The following RADX variants were observed in gnomAD, a reference collection of about 807,000 sequenced individuals.
RADX encodes RPA1 related single stranded DNA binding protein, X-linked.
A neutral mutation model predicts 61.6 loss-of-function variants in RADX; 36 were observed. That is an observed-to-expected ratio of 0.58 (90% CI 0.45 to 0.77). The LOEUF (loss-of-function observed/expected upper bound fraction) is 0.77. Ranked by LOEUF, RADX falls within the 30% of genes least tolerant of loss-of-function variation. RADX has a pLI of 0.00. For missense variants in RADX, 497 were observed against 651.1 expected (o/e 0.76, Z 2.58); for synonymous variants, 272 against 237.9 (o/e 1.14, Z -1.32).
chrX:106,617,254 G>A (rs1435562832), intron 1 of RADX, among the ~76,000 whole-genome samples: 2 of 109,325 alleles, frequency 1.8e-5, no homozygotes, highest in African/African-American at 6.7e-5. Context: ...TCAAACTCCT[G>A]ACCTCAGGTG....
rs762888438 is a variant in RADX at position 106,653,843 on chromosome X, A to C, written c.1978+5457A>C. Among the ~76,000 whole-genome samples the C allele has an allele frequency of 6.3e-5, 7 of 111,310 alleles. No homozygotes were observed. The East Asian group carries it at 1.4e-3, about 23-fold the overall frequency. On this transcript the variant is annotated intron_variant, in intron 11 of 13. Coordinates refer to ENST00000372548, the MANE Select transcript of RADX (RefSeq NM_018015.6). Reference sequence around the variant, plus strand: ...AGAATGATGGTTTCCAGCTTCATCCATGTCCCTGAAAAGGACATGAACTCA... The same window carrying C: ...AGAATGATGGTTTCCAGCTTCATCCCTGTCCCTGAAAAGGACATGAACTCA...
intron 3 of RADX, among the ~76,000 whole-genome samples, chrX:106,625,662 A>G (rs1927058950): frequency 9.0e-6 from 1 of 111,724 alleles, no homozygotes; most frequent in African/African-American, 3.2e-5. Flanking sequence ...TCAGACTTAC[A>G]TAAAAGTTGA....
chrX:106,630,351 A>AC (rs1927185806), intron 3 of RADX, among the ~76,000 whole-genome samples: 7 of 109,315 alleles, frequency 6.4e-5, no homozygotes, highest in African/African-American at 2.4e-4. Flanking sequence ...CAAACAAAAA[A>AC]AAAAAAAAAC....
intron 10 of RADX, among the ~76,000 whole-genome samples, chrX:106,641,441 G>A (rs1927512111): frequency 9.1e-6 from 1 of 110,206 alleles, no homozygotes; most frequent in African/African-American, 3.3e-5. Context: ...TTTATCCTGG[G>A]GCAAAATTCT....
chrX:106,622,301 T>G lies in RADX; in HGVS notation c.644-350T>G, dbSNP rs188928976. Among the ~76,000 whole-genome samples the G allele has an allele frequency of 1.2e-4, 13 of 105,514 alleles. No individual in the cohort carries two copies. In the East Asian group the frequency reaches 1.5e-3, roughly 12 times the overall value. The allele number at this position is 105,514 out of a possible 115,157, so 91.6% of individuals were successfully genotyped here. A position where few individuals can be genotyped will look rare whatever the true frequency, so the allele number is the denominator to read the frequency against. On this transcript the variant is annotated intron_variant, in intron 1 of 13. Coordinates refer to ENST00000372548, the MANE Select transcript of RADX (RefSeq NM_018015.6). ...GGAAAAATATTCCATGACATTGAGGTTTTTTTTTTCACAAAATATCTTAAG... is the reference window on the plus strand; with the variant it reads ...GGAAAAATATTCCATGACATTGAGGGTTTTTTTTTCACAAAATATCTTAAG...
rs1303937615 is a variant in RADX at position 106,662,320 on chromosome X, C to T, written c.2269+15C>T. On this transcript the variant is annotated intron_variant, in intron 12 of 13. Transcript: ENST00000372548. ...AACCATACTAGGTAAGTTCACTGTT[C>T]TTTTTGCATATCATTAATTTAACAT... 1.7e-6 allele frequency: 2 copies of T among 1,147,268 alleles called. No individual in the cohort carries two copies. The highest frequency in any genetic ancestry group is 3.6e-5 in the African/African-American group (2 of 54,985). 94.5% of individuals were successfully genotyped at this position (1,147,268 alleles called of 1,213,427 possible). A position where few individuals can be genotyped will look rare whatever the true frequency, so the allele number is the denominator to read the frequency against.
chrX:106,623,898 C>G (rs928134075), intron 2 of RADX, among the ~76,000 whole-genome samples: 1 of 110,792 alleles, frequency 9.0e-6, no homozygotes, highest in African/African-American at 3.3e-5. Context: ...TAGTTTTTTG[C>G]CTTCTCATTG....
At chrX:106,644,888 A>G (rs964338993) in intron 10 of RADX, among the ~76,000 whole-genome samples, 1 of 110,973 alleles carries the variant, frequency 9.0e-6, no homozygotes, top group Non-Finnish European at 1.9e-5. Flanking sequence ...CAGTGTAGCC[A>G]TTGGATCCCA....
In RADX at chrX:106,622,706, T is replaced by C. The variant is rs750987336; in HGVS notation, c.699T>C (p.Asn233=). ...AAATGACCTGGACTAACAGAAGAAA[T>C]TTTCCTGCATTGCTTGTGAGGATCT... ...HLEMTWTNRR[N]FPALLVRILH... The change falls in exon 2 of 14, where the codon AAT becomes AAC. Residue 233 remains asparagine, a synonymous_variant. Transcript: ENST00000372548. 1.7e-5 allele frequency: 20 copies of C among 1,193,120 alleles called. No individual in the cohort carries two copies. The highest frequency in any genetic ancestry group is 2.1e-5 in the Non-Finnish European group (19 of 885,181).
chrX:106,632,881 T>C, intron 4 of RADX, 51 bp from the exon 5 acceptor site: 1 of 1,056,478 alleles, frequency 9.5e-7, no homozygotes. Context: ...TGTAGAATGC[T>C]TTTTCACTGT....
At chrX:106,624,140 C>T (rs182244186) in intron 2 of RADX, among the ~76,000 whole-genome samples, 1 of 111,740 alleles carries the variant, frequency 8.9e-6, no homozygotes, top group African/African-American at 3.2e-5. Context: ...TCCTCTTCCT[C>T]TCACTTCTCA....
chrX:106,633,347 T>C (rs1464784140), intron 6 of RADX, 95 bp downstream of exon 6: 4 of 734,650 alleles, frequency 5.4e-6, no homozygotes. Flanking sequence ...TAGGGTGACA[T>C]TGAGTTGGCA....
At chrX:106,675,310 A>C (rs1928479603) in intron 13 of RADX, among the ~76,000 whole-genome samples, 1 of 112,281 alleles carries the variant, frequency 8.9e-6, no homozygotes, top group Admixed American at 9.4e-5. Flanking sequence ...GACTATGCTC[A>C]ATTACAAAGC....
Position 106,612,252 on chromosome X carries a change from C to A in RADX, c.172C>A (p.Arg58Ser), listed in dbSNP as rs969190349. 1.7e-6 allele frequency: 2 copies of A among 1,211,305 alleles called. No homozygotes were observed. The highest frequency in any genetic ancestry group is 4.3e-5 in the Admixed American group (2 of 46,024). ...KVLEQIMDSP[R>S]QCVTPSEVVP... ...TCTTGAGCAGATTATGGACTCACCT[C>A]GCCAGTGTGTCACCCCCTCGGAGGT... The change falls in exon 1 of 14, where the codon CGC becomes AGC. Residue 58 changes from arginine to serine, a missense_variant. Physicochemically the swap from Arg to Ser is moderately radical, Grantham distance 110 (BLOSUM62 -1). Transcript: ENST00000372548.
At chrX:106,631,400 C>T (rs1365806771) in intron 3 of RADX, among the ~76,000 whole-genome samples, 2 of 110,783 alleles carry the variant, frequency 1.8e-5, no homozygotes, top group African/African-American at 6.6e-5. Flanking sequence ...TGTCATATCA[C>T]TAGATTGGCC....
chrX:106,667,095 G>T (rs1928246004), intron 12 of RADX, among the ~76,000 whole-genome samples: 1 of 111,704 alleles, frequency 9.0e-6, no homozygotes, highest in African/African-American at 3.3e-5. Flanking sequence ...GAGTGAGATG[G>T]TGATAAGTGC....
At chrX:106,675,022 C>CAAA (rs10715478) in intron 13 of RADX, among the ~76,000 whole-genome samples, 1 of 80,085 alleles carries the variant, frequency 1.2e-5, no homozygotes, top group African/African-American at 4.2e-5. Flanking sequence ...GACTCCATCT[C>CAAA]AAAAAAAAAA....
chrX:106,628,196 G>A (rs1927120756), intron 3 of RADX, among the ~76,000 whole-genome samples: 2 of 111,732 alleles, frequency 1.8e-5, no homozygotes, highest in South Asian at 3.7e-4. Context: ...ATCATGTTAG[G>A]CACAGGAGAT....
chrX:106,673,072 G>A (rs1250347688), intron 13 of RADX, among the ~76,000 whole-genome samples: 1 of 111,823 alleles, frequency 8.9e-6, no homozygotes, highest in African/African-American at 3.3e-5. Context: ...TACCATCTAA[G>A]AGCCAAGTCC....
Sources: gnomAD v4.1 joint callset for allele counts (sites outside exome capture counted in the v4.1 genomes callset) on GRCh38, gnomAD v4.1.1 for gene constraint, MANE v1.5 for transcripts, NCBI Gene and HGNC (gene_info 2026-07-23, HGNC 2026-07-21) for gene names.